EHHADH: variants seen among roughly 807,000 people sequenced by gnomAD.
The protein encoded by EHHADH is enoyl-CoA hydratase and 3-hydroxyacyl CoA dehydrogenase.
Under a neutral mutation model 64.4 loss-of-function variants are expected in EHHADH, and 48 were observed. The ratio of observed to expected loss-of-function variants is 0.75; its 90% CI spans 0.59 to 0.95. The LOEUF (loss-of-function observed/expected upper bound fraction) is 0.95, where lower values mean the gene tolerates loss of function less well. Among genes scored for constraint, EHHADH ranks in the 40% least tolerant of loss-of-function variants. The pLI is 0.00. For synonymous variants in EHHADH, 308 were observed against 326.7 expected (o/e 0.94, Z 0.62); for missense variants, 854 against 876.6 (o/e 0.97, Z 0.33).
intron 1 of EHHADH, among the ~76,000 whole-genome samples, chr3:185,250,239 C>T (rs1369296057): frequency 6.6e-6 from 1 of 152,122 alleles, no homozygotes; most frequent in African/African-American, 2.4e-5. Context: ...CAGATTTTGC[C>T]AAGTTTTAAT....
In EHHADH at chr3:185,192,194, C is replaced by G; in HGVS notation, c.*32G>C. The stretch of plus-strand genomic sequence containing the variant: ...GAAATTCAGTCAGCATTACCTGATG[C>G]TAGCATGTGAGGCATAATCTGGAAG... On this transcript the variant is annotated 3_prime_UTR_variant, in exon 7 of 7. Coordinates refer to ENST00000231887, the MANE Select transcript of EHHADH (RefSeq NM_001966.4). 2 of 1,582,248 alleles carry G rather than the reference C, an allele frequency of 1.3e-6. No homozygotes were observed. Among genetic ancestry groups the G allele is most frequent in the Non-Finnish European group, 1.7e-6 (2 of 1,164,420 alleles).
rs1718682241 is a variant in EHHADH, at chr3:185,216,451, G to A, written c.568+1685C>T. Among the ~76,000 whole-genome samples, 1 of 152,214 alleles carries A rather than the reference G, an allele frequency of 6.6e-6. No homozygotes were observed. Among genetic ancestry groups the A allele is most frequent in the Admixed American group, 6.5e-5 (1 of 15,282 alleles). The stretch of plus-strand genomic sequence containing the variant: ...ATAGCCTTTGCTGTGTGTCTGTCAA[G>A]TGACTTCTAACAAAACAATAAGCCC... On this transcript the variant is annotated intron_variant, in intron 5 of 6. Transcript: ENST00000231887. The surrounding 1 kb of genome is among the most constrained non-coding windows in gnomAD (Gnocchi z 5.3).
chr3:185,201,116 G>A (rs936649193), intron 6 of EHHADH, among the ~76,000 whole-genome samples: 2 of 152,152 alleles, frequency 1.3e-5, no homozygotes, highest in East Asian at 1.9e-4. Flanking sequence ...AGGGGTTTCA[G>A]ATTTTGGAAG....
chr3:185,203,562 G>T (rs1008291329), intron 6 of EHHADH, among the ~76,000 whole-genome samples: 1 of 152,248 alleles, frequency 6.6e-6, no homozygotes, highest in South Asian at 2.1e-4. Flanking sequence ...AAGTGGCCCA[G>T]AGAAGCCAAT....
intron 4 of EHHADH, among the ~76,000 whole-genome samples, chr3:185,220,584 T>C (rs1230968193): frequency 1.3e-5 from 2 of 152,198 alleles, no homozygotes; most frequent in Non-Finnish European, 2.9e-5. Context: ...ATATATCTCG[T>C]TGTTCAATGA....
intron 1 of EHHADH, among the ~76,000 whole-genome samples, chr3:185,252,201 A>G (rs1719767084): frequency 6.6e-6 from 1 of 152,148 alleles, no homozygotes; most frequent in East Asian, 1.9e-4. Flanking sequence ...GGAGATTGAG[A>G]CCATCCTGGC....
chr3:185,219,734 G>T (rs1261842202), intron 4 of EHHADH, among the ~76,000 whole-genome samples: 1 of 152,132 alleles, frequency 6.6e-6, no homozygotes, highest in Non-Finnish European at 1.5e-5. Flanking sequence ...AATCCATCTT[G>T]GTGGCAACAG....
intron 6 of EHHADH, among the ~76,000 whole-genome samples, chr3:185,200,136 G>C (rs180987369): frequency 6.6e-6 from 1 of 152,192 alleles, no homozygotes; most frequent in South Asian, 2.1e-4. Flanking sequence ...AGATTGCTGG[G>C]TTACCTGTTA....
intron 4 of EHHADH, among the ~76,000 whole-genome samples, chr3:185,223,568 G>A (rs1383999313): frequency 6.6e-6 from 1 of 152,112 alleles, no homozygotes; most frequent in East Asian, 1.9e-4. Context: ...TTCTGCCTGA[G>A]AGCCTTGAGG....
In EHHADH at chr3:185,192,615, A is replaced by G. The variant is rs1308119641; in HGVS notation, c.1783T>C (p.Trp595Arg). ...PLGRIHKPDPWLSKFLSRYRK... is the reference protein window; with the variant it reads ...PLGRIHKPDPRLSKFLSRYRK... ...TACCGTGATAGGAATTTGGAAAGCC[A>G]GGGATCAGGTTTGTGAATCCTACCC... The change falls in exon 7 of 7, where the codon TGG (tryptophan) becomes CGG (arginine). Residue 595 changes from tryptophan to arginine, a missense_variant. By Grantham distance (101) the Trp-to-Arg change is moderately radical. Transcript: ENST00000231887. The G allele has an allele frequency of 1.9e-6, 3 of 1,614,232 alleles. No homozygotes were observed. The highest frequency in any genetic ancestry group is 2.5e-6 in the Non-Finnish European group (3 of 1,180,052).
chr3:185,253,991 A>G lies in EHHADH; in HGVS notation c.32T>C (p.Leu11Ser). The G allele has an allele frequency of 6.2e-7, 1 of 1,613,910 alleles. No homozygotes were observed. Among genetic ancestry groups the G allele is most frequent in the Non-Finnish European group, 8.5e-7 (1 of 1,179,918 alleles). The change falls in exon 1 of 7, where the codon TTG (leucine) becomes TCG (serine). Residue 11 changes from leucine (L) to serine (S), a missense_variant. Physicochemically the swap from Leu to Ser is moderately radical, Grantham distance 145. Transcript: ENST00000231887. ...CGGGTTTCGGAGGCGGATTAGCGCC[A>G]AGGCGTTGTGCAGCCGCGTATACTC... MAEYTRLHNA[L>S]ALIRLRNPPV...
chr3:185,250,428 TGAA>T (rs1719714847), intron 1 of EHHADH, among the ~76,000 whole-genome samples: 1 of 152,106 alleles, frequency 6.6e-6, no homozygotes, highest in African/African-American at 2.4e-5. Flanking sequence ...AGAAAATTTG[TGAA>T]GAAGGAGGGG....
At chr3:185,215,235 G>A (rs1479663083) in intron 5 of EHHADH, among the ~76,000 whole-genome samples, 1 of 152,092 alleles carries the variant, frequency 6.6e-6, no homozygotes, top group Non-Finnish European at 1.5e-5. Flanking sequence ...AAAGACTTGT[G>A]TAGGCCCAAA....
rs1047601806 is a variant in EHHADH, at chr3:185,191,028, T to C, written c.*1198A>G. On this transcript the variant is annotated 3_prime_UTR_variant, in exon 7 of 7. Transcript: ENST00000231887. ...CCATTACCACAATAAGTTTAGACCA[T>C]TTTCATGAACCATAAAGAAATCCTG... The C allele has an allele frequency of 2.6e-5, 4 of 152,204 alleles. No homozygotes were observed. The highest frequency in any genetic ancestry group is 4.4e-5 in the Non-Finnish European group (3 of 68,032). 9.4% of individuals were successfully genotyped at this position (152,204 alleles called of 1,614,324 possible).
chr3:185,235,526 T>C (rs1719267551), intron 2 of EHHADH, 64 bp from the exon 3 acceptor site: 1 of 1,336,146 alleles, frequency 7.5e-7, no homozygotes, highest in Admixed American at 2.4e-5. Flanking sequence ...TATATAACAG[T>C]AAGTTACCTG....
intron 4 of EHHADH, among the ~76,000 whole-genome samples, chr3:185,228,257 A>AAAAAAAGATAT (rs1367786172): frequency 4.5e-5 from 1 of 21,994 alleles, no homozygotes; most frequent in Non-Finnish European, 1.1e-4. Context: ...AAAAAAAAAA[A>AAAAAAAGATAT]ATATATATAT....
intron 4 of EHHADH, among the ~76,000 whole-genome samples, chr3:185,228,209 T>C (rs916164700): frequency 9.6e-5 from 11 of 114,404 alleles, no homozygotes; most frequent in Middle Eastern, 9.1e-3. Context: ...CATTCCAGCC[T>C]GGCGATAGAG....
chr3:185,228,806 A>G (rs1186404859), intron 4 of EHHADH, among the ~76,000 whole-genome samples: 1 of 152,102 alleles, frequency 6.6e-6, no homozygotes, highest in Non-Finnish European at 1.5e-5. Context: ...TTTCTCATTT[A>G]TATTACAATT....
At chr3:185,202,559 G>C (rs1004304775) in intron 6 of EHHADH, among the ~76,000 whole-genome samples, 3 of 152,178 alleles carry the variant, frequency 2.0e-5, no homozygotes, top group African/African-American at 7.2e-5. Context: ...ACCGGTACCA[G>C]TCCGTGACCT....
Sources: allele counts gnomAD v4.1 joint callset (sites outside exome capture counted in the v4.1 genomes callset), GRCh38; gene constraint gnomAD v4.1.1; non-coding constraint Gnocchi (gnomAD v3.1); transcripts MANE v1.5; gene names NCBI Gene and HGNC (gene_info 2026-07-23, HGNC 2026-07-21).